The following YTHDC1 variants were observed in gnomAD, a reference collection of about 807,000 sequenced individuals.
YTHDC1 encodes YTH N6-methyladenosine RNA binding protein C1, also known as YTH domain-containing protein 1.
In YTHDC1, 12 loss-of-function variants were observed where a neutral mutation model predicts 107.0. The observed-to-expected ratio is 0.11, with a 90% CI of 0.07 to 0.18. The LOEUF is 0.18. Ranked by LOEUF, YTHDC1 falls within the 10% of genes least tolerant of loss-of-function variation. The pLI, the probability that YTHDC1 is intolerant of heterozygous loss-of-function variation, is 1.00. For synonymous variants in YTHDC1, 280 were observed against 289.5 expected (o/e 0.97, Z 0.33); for missense variants, 635 against 898.8 (o/e 0.71, Z 3.75).
At chr4:68,326,893 G>A (rs1353388871) in intron 9 of YTHDC1, among the ~76,000 whole-genome samples, 1 of 151,508 alleles carries the variant, frequency 6.6e-6, no homozygotes, top group Non-Finnish European at 1.5e-5. Context: ...GCCCAGCCAT[G>A]CAGAGGCTCT....
intron 12 of YTHDC1, among the ~76,000 whole-genome samples, chr4:68,319,515 A>C (rs1167649757): frequency 1.3e-5 from 2 of 152,178 alleles, no homozygotes; most frequent in Admixed American, 1.3e-4. Context: ...TAATCAAGCC[A>C]CTTGTTACAT....
At chr4:68,340,320 G>A (rs1432939307) in intron 1 of YTHDC1, among the ~76,000 whole-genome samples, 2 of 150,244 alleles carry the variant, frequency 1.3e-5, no homozygotes, top group Admixed American at 6.6e-5. Context: ...TACTATGTCT[G>A]GAATAGCAAA....
At chr4:68,344,466 C>T (rs1301295794) in intron 1 of YTHDC1, among the ~76,000 whole-genome samples, 2 of 152,164 alleles carry the variant, frequency 1.3e-5, no homozygotes, top group Non-Finnish European at 2.9e-5. Flanking sequence ...GATTAACTTC[C>T]TTGACAGTTG....
chr4:68,348,096 T>C (rs1030029525), intron 1 of YTHDC1, among the ~76,000 whole-genome samples: 27 of 152,332 alleles, frequency 1.8e-4, no homozygotes, highest in African/African-American at 6.5e-4. Context: ...CAGTAATAGC[T>C]ACACAGTTTA....
Position 68,337,669 on chromosome 4 carries a change from G to C in YTHDC1, c.362C>G (p.Ala121Gly), listed in dbSNP as rs1455926256. 6.2e-7 allele frequency: 1 copy of C among 1,614,072 alleles called. No homozygotes were observed. The highest frequency in any genetic ancestry group is 8.5e-7 in the Non-Finnish European group (1 of 1,180,004). ...ADRKIRLSSSASREPYKNQPE... is the reference protein window; with the variant it reads ...ADRKIRLSSSGSREPYKNQPE... ...TTGATTCTTATAAGGTTCTCTGGAG[G>C]CACTACTTGATAGACGAATTTTCCG... The change falls in exon 3 of 17, where the codon GCC becomes GGC. Residue 121 changes from alanine (A) to glycine (G), a missense_variant. Ala to Gly is a moderately conservative substitution (Grantham distance 60, BLOSUM62 0). Coordinates refer to ENST00000344157, the MANE Select transcript of YTHDC1 (RefSeq NM_001031732.4).
chr4:68,346,216 G>A (rs1349390163), intron 1 of YTHDC1, among the ~76,000 whole-genome samples: 1 of 151,782 alleles, frequency 6.6e-6, no homozygotes, highest in Non-Finnish European at 1.5e-5. Context: ...GGGAGTTCAA[G>A]ACAATCCTGG....
chr4:68,316,225 T>C, intron 16 of YTHDC1, 89 bp downstream of exon 16: 1 of 1,402,608 alleles, frequency 7.1e-7, no homozygotes, highest in Non-Finnish European at 9.6e-7. Flanking sequence ...CAATGGTCCG[T>C]CAATCATCAT....
Position 68,311,352 on chromosome 4 carries a change from T to C in YTHDC1, c.*2747A>G, listed in dbSNP as rs1721290903. Reference sequence around the variant, plus strand: ...TATGGAGGAAATCAAATCCAAAAATTACATGCTTGAATTTTCACTCCTTTG... The same window carrying C: ...TATGGAGGAAATCAAATCCAAAAATCACATGCTTGAATTTTCACTCCTTTG... On this transcript the variant is annotated 3_prime_UTR_variant, in exon 17 of 17. Coordinates refer to ENST00000344157, the MANE Select transcript of YTHDC1 (RefSeq NM_001031732.4). The C allele has an allele frequency of 6.6e-6, 1 of 151,978 alleles. No individual in the cohort carries two copies. Among genetic ancestry groups the C allele is most frequent in the Non-Finnish European group, 1.5e-5 (1 of 67,960 alleles). The allele number at this position is 151,978 out of a possible 1,614,324, so 9.4% of individuals were successfully genotyped here. A position where few individuals can be genotyped will look rare whatever the true frequency, so the allele number is the denominator to read the frequency against.
At chr4:68,333,567 T>C (rs1003856290) in intron 4 of YTHDC1, among the ~76,000 whole-genome samples, 170 bp from the exon 5 acceptor site, 4 of 152,158 alleles carry the variant, frequency 2.6e-5, no homozygotes, top group African/African-American at 9.7e-5. Context: ...AAAAATACTG[T>C]TTAAAAAGTA....
At chr4:68,334,045 A>C (rs779613665) in intron 4 of YTHDC1, among the ~76,000 whole-genome samples, 1 of 152,170 alleles carries the variant, frequency 6.6e-6, no homozygotes, top group South Asian at 2.1e-4. Context: ...TCTGTAAGAG[A>C]GCTGAAAATC....
In YTHDC1 at chr4:68,320,126, G is replaced by C. The variant is rs1248237482; in HGVS notation, c.1681C>G (p.Pro561Ala). Residue 561 changes from proline to alanine, a missense_variant, in exon 12 of 17, where the codon CCA becomes GCA. Coordinates refer to ENST00000344157, the MANE Select transcript of YTHDC1 (RefSeq NM_001031732.4). Reference protein sequence around the residue: ...IDYPPEFHQRPGYLKDPRYQE... With the variant: ...IDYPPEFHQRAGYLKDPRYQE... Reference sequence around the variant, plus strand: ...TGCAGGATTATAAAATATTAACCTGGTCTCTGGTGAAACTCAGGGGGATAG... The same window carrying C: ...TGCAGGATTATAAAATATTAACCTGCTCTCTGGTGAAACTCAGGGGGATAG... The C allele has an allele frequency of 3.1e-6, 5 of 1,594,254 alleles. No individual in the cohort carries two copies.
At chr4:68,315,692 A>G (rs568292847) in intron 16 of YTHDC1, among the ~76,000 whole-genome samples, 1 of 152,278 alleles carries the variant, frequency 6.6e-6, no homozygotes, top group East Asian at 1.9e-4. Context: ...AACTAAAACT[A>G]GAGTCTTTTT....
chr4:68,342,920 C>A (rs1405104931), intron 1 of YTHDC1, among the ~76,000 whole-genome samples: 2 of 152,076 alleles, frequency 1.3e-5, no homozygotes, highest in African/African-American at 2.4e-5. Flanking sequence ...CCTGAACAAA[C>A]GTTTTTAACC....
chr4:68,339,825 G>A (rs575597244), intron 1 of YTHDC1, among the ~76,000 whole-genome samples: 21 of 152,254 alleles, frequency 1.4e-4, no homozygotes, highest in Non-Finnish European at 2.2e-4. Context: ...CACAAAACTT[G>A]TTCAGAGAAG....
chr4:68,331,683 A>G (rs1723597760), intron 7 of YTHDC1, among the ~76,000 whole-genome samples: 1 of 152,120 alleles, frequency 6.6e-6, no homozygotes, highest in Non-Finnish European at 1.5e-5. Context: ...TCTAAAAAAT[A>G]AAACTCTCCA....
At chr4:68,335,190 T>A (rs181133049) in intron 4 of YTHDC1, among the ~76,000 whole-genome samples, 1 of 152,294 alleles carries the variant, frequency 6.6e-6, no homozygotes, top group African/African-American at 2.4e-5. Context: ...AGAAAATTCA[T>A]GACAGAGAAA....
At chr4:68,326,086 AG>A (rs1401088735) in intron 9 of YTHDC1, among the ~76,000 whole-genome samples, 2 of 152,198 alleles carry the variant, frequency 1.3e-5, no homozygotes, top group East Asian at 3.8e-4. Flanking sequence ...GTTATAGGAA[AG>A]GCATAAATGA....
Position 68,337,982 on chromosome 4 carries a change from A to T in YTHDC1, c.131-82T>A. The T allele has an allele frequency of 2.0e-6, 3 of 1,505,992 alleles. No individual in the cohort carries two copies. In the Admixed American group the frequency reaches 7.1e-5, roughly 36 times the overall value. 93.3% of individuals were successfully genotyped at this position (1,505,992 alleles called of 1,614,324 possible). On this transcript the variant is annotated intron_variant, in intron 2 of 16. Coordinates refer to ENST00000344157, the MANE Select transcript of YTHDC1 (RefSeq NM_001031732.4). Reference sequence around the variant, plus strand: ...TCACCAAAGACTGACAATAATATATACATCAGGAAGGGGGGATAGGCCTCA... The same window carrying T: ...TCACCAAAGACTGACAATAATATATTCATCAGGAAGGGGGGATAGGCCTCA...
At chr4:68,335,356 A>G (rs943172243) in intron 4 of YTHDC1, among the ~76,000 whole-genome samples, 30 of 152,180 alleles carry the variant, frequency 2.0e-4, no homozygotes, top group Non-Finnish European at 2.4e-4. Flanking sequence ...ATTTTCCTTT[A>G]TAAGGAAAAT....
Sources: allele counts gnomAD v4.1 joint callset (sites outside exome capture counted in the v4.1 genomes callset), GRCh38; gene constraint gnomAD v4.1.1; transcripts MANE v1.5; gene names NCBI Gene and HGNC (gene_info 2026-07-23, HGNC 2026-07-21).